Variants in SNX10 observed in about 807,000 individuals in gnomAD.
The protein encoded by SNX10 is sorting nexin 10.
Under a neutral mutation model 28.5 loss-of-function variants are expected in SNX10, and 25 were observed. The ratio of observed to expected loss-of-function variants is 0.88; its 90% CI spans 0.64 to 1.22. SNX10 has a LOEUF of 1.22. Among genes scored for constraint, SNX10 ranks in the 50% most tolerant of loss-of-function variants. SNX10 has a pLI of 0.00. For missense variants in SNX10, 223 were observed against 242.6 expected (o/e 0.92, Z 0.54); for synonymous variants, 62 against 81.4 (o/e 0.76, Z 1.28).
chr7:26,311,226 G>T (rs1786826789), intron 1 of SNX10, among the ~76,000 whole-genome samples: 1 of 152,130 alleles, frequency 6.6e-6, no homozygotes, highest in Non-Finnish European at 1.5e-5. Context: ...TCTCAGCTCA[G>T]TACAACCTCC....
Position 26,364,268 on chromosome 7 carries a change from T to G in SNX10, c.112-267T>G. ...CTTGAAAGCAGTGCTCATAGGTGAG[T>G]AGGAGGCTCCTTCAGGATGCAGGGA... is the stretch of plus-strand genomic sequence containing the variant. On this transcript the variant is annotated intron_variant, in intron 3 of 6. Coordinates refer to ENST00000338523, the MANE Select transcript of SNX10 (RefSeq NM_013322.3). This position sits in a 1 kb window ranked among gnomAD's most constrained non-coding sequence, Gnocchi z 4.9. 9.8e-7 allele frequency: 1 copy of G among 1,021,536 alleles called. No homozygotes were observed. The allele number at this position is 1,021,536 out of a possible 1,614,324, so 63.3% of individuals were successfully genotyped here. A position where few individuals can be genotyped will look rare whatever the true frequency, so the allele number is the denominator to read the frequency against.
At chr7:26,309,802 G>C (rs1786748772) in intron 1 of SNX10, among the ~76,000 whole-genome samples, 1 of 152,148 alleles carries the variant, frequency 6.6e-6, no homozygotes. Flanking sequence ...GAGTCTGGCT[G>C]CCTGGGCCGC....
At chr7:26,335,287 T>A (rs951842211) in intron 1 of SNX10, among the ~76,000 whole-genome samples, 2 of 152,148 alleles carry the variant, frequency 1.3e-5, no homozygotes, top group Non-Finnish European at 2.9e-5. Flanking sequence ...GAACCTCTGG[T>A]CCCTCAGAAC....
chr7:26,327,760 C>T (rs1407670587), intron 1 of SNX10, among the ~76,000 whole-genome samples: 4 of 111,592 alleles, frequency 3.6e-5, no homozygotes, highest in South Asian at 5.7e-4. Context: ...GATGGTGTCT[C>T]GCTCTATCCC....
chr7:26,366,495 G>T (rs1057114569), intron 5 of SNX10, among the ~76,000 whole-genome samples: 1 of 152,154 alleles, frequency 6.6e-6, no homozygotes, highest in Non-Finnish European at 1.5e-5. Flanking sequence ...TTTTTGGGGG[G>T]TATCACAGGC....
At position 26,326,567 on chromosome 7, in the gene SNX10, A is replaced by T. The variant is rs146005087; in HGVS notation, c.-23-19853A>T. ...TTTAGTGATGGCCAACTGGGACACC[A>T]GAGCAAGGCTGCCTGGGTTCAAGTC... On this transcript the variant is annotated intron_variant, in intron 1 of 6. Transcript: ENST00000338523. Among the ~76,000 whole-genome samples, 857 of 152,352 alleles carry T rather than the reference A, an allele frequency of 5.6e-3. 3 individuals are homozygous for T. The highest frequency in any genetic ancestry group is 8.7e-3 in the Non-Finnish European group (591 of 68,036).
intron 1 of SNX10, among the ~76,000 whole-genome samples, chr7:26,325,168 A>G (rs1172374643): frequency 6.6e-6 from 1 of 151,280 alleles, no homozygotes; most frequent in Non-Finnish European, 1.5e-5. Context: ...TTAGGATCCT[A>G]GTACGTTCAA....
intron 1 of SNX10, among the ~76,000 whole-genome samples, chr7:26,339,221 G>A (rs1008067964): frequency 6.6e-6 from 1 of 152,118 alleles, no homozygotes; most frequent in Non-Finnish European, 1.5e-5. Context: ...AGATGGAGTC[G>A]GTTAGGTCTG....
At chr7:26,369,614 A>G (rs1291089626) in intron 5 of SNX10, among the ~76,000 whole-genome samples, 14 of 152,178 alleles carry the variant, frequency 9.2e-5, no homozygotes, top group Non-Finnish European at 1.5e-5. Flanking sequence ...TTTGAACTCT[A>G]GGCCTGGGGG....
chr7:26,331,885 T>C (rs752952817), intron 1 of SNX10, among the ~76,000 whole-genome samples: 6 of 152,242 alleles, frequency 3.9e-5, no homozygotes, highest in Non-Finnish European at 8.8e-5. Flanking sequence ...GACCGGTTTC[T>C]TTCACTTATT....
chr7:26,349,917 AT>A (rs540483006), intron 2 of SNX10, among the ~76,000 whole-genome samples: 140 of 152,308 alleles, frequency 9.2e-4, no homozygotes, highest in Non-Finnish European at 9.8e-4. Context: ...AGTCCCTTTC[AT>A]GGAGTCGGAC....
At position 26,372,752 on chromosome 7, in the gene SNX10, T is replaced by G. The variant is rs1026458769; in HGVS notation, c.*180T>G. The G allele has an allele frequency of 2.1e-5, 11 of 529,516 alleles. No individual in the cohort carries two copies. The highest frequency in any genetic ancestry group is 1.3e-4 in the African/African-American group (7 of 52,078). The allele number at this position is 529,516 out of a possible 1,614,324, so 32.8% of individuals were successfully genotyped here. A position where few individuals can be genotyped will look rare whatever the true frequency, so the allele number is the denominator to read the frequency against. ...TTATGTTGTCTTATTTTAGGTAAGC[T>G]TCTGTGTAAAGCTAAAAATCCTGTG... On this transcript the variant is annotated 3_prime_UTR_variant, in exon 7 of 7. Coordinates refer to ENST00000338523, the MANE Select transcript of SNX10 (RefSeq NM_013322.3).
At chr7:26,338,345 C>G (rs1012563664) in intron 1 of SNX10, among the ~76,000 whole-genome samples, 7 of 151,992 alleles carry the variant, frequency 4.6e-5, no homozygotes, top group Non-Finnish European at 8.8e-5. Flanking sequence ...TGCCCACTGC[C>G]TAGACAGAGC....
At position 26,356,476 on chromosome 7, in the gene SNX10, G is replaced by A. The variant is rs111890027; in HGVS notation, c.25-4499G>A. Among the ~76,000 whole-genome samples the A allele has an allele frequency of 2.3e-3, 346 of 152,290 alleles. 2 individuals carry two copies. The highest frequency in any genetic ancestry group is 4.0e-3 in the Non-Finnish European group (273 of 68,028). ...AAGGATGGCGGGCAGTGTCGTGAGG[G>A]ATGCGTCTAATTAAGAGATTAGAGG... On this transcript the variant is annotated intron_variant, in intron 2 of 6. Coordinates refer to ENST00000338523, the MANE Select transcript of SNX10 (RefSeq NM_013322.3).
chr7:26,332,191 AT>A (rs1787774480), intron 1 of SNX10, among the ~76,000 whole-genome samples: 2 of 152,160 alleles, frequency 1.3e-5, no homozygotes. Context: ...ACAATTTTTT[AT>A]TTCCACCAGT....
At chr7:26,300,273 A>C (rs576303622) in intron 1 of SNX10, among the ~76,000 whole-genome samples, 54 of 151,060 alleles carry the variant, frequency 3.6e-4, no homozygotes, top group African/African-American at 1.2e-3. Context: ...GGCTTAGGGG[A>C]GTAGGGACTG....
intron 1 of SNX10, among the ~76,000 whole-genome samples, chr7:26,313,630 C>A (rs1049720275): frequency 4.6e-5 from 7 of 152,094 alleles, no homozygotes; most frequent in African/African-American, 1.7e-4. Context: ...AAAGTCTGTC[C>A]TTTTCCTGAA....
intron 2 of SNX10, among the ~76,000 whole-genome samples, chr7:26,359,061 CT>C (rs1788961330): frequency 6.6e-6 from 1 of 152,088 alleles, no homozygotes; most frequent in Non-Finnish European, 1.5e-5. Context: ...CCGCCTCAGC[CT>C]CCCAAAGTGC....
chr7:26,333,312 G>A (rs1033291266), intron 1 of SNX10, among the ~76,000 whole-genome samples: 1 of 147,080 alleles, frequency 6.8e-6, no homozygotes, highest in Non-Finnish European at 1.5e-5. Flanking sequence ...GTAATCCTAG[G>A]TATTTTATTC....
Sources: allele counts gnomAD v4.1 joint callset (sites outside exome capture counted in the v4.1 genomes callset), GRCh38; gene constraint gnomAD v4.1.1; non-coding constraint Gnocchi (gnomAD v3.1); transcripts MANE v1.5; gene names NCBI Gene and HGNC (gene_info 2026-07-23, HGNC 2026-07-21).